RIMKLB: variants seen among roughly 807,000 people sequenced by gnomAD.
The protein encoded by RIMKLB is ribosomal modification protein rimK like family member B, also known as beta-citrylglutamate synthase B.
In RIMKLB, 7 loss-of-function variants were observed where a neutral mutation model predicts 32.0. The observed-to-expected ratio is 0.22, with a 90% CI of 0.12 to 0.41. The LOEUF is 0.41. Among genes scored for constraint, RIMKLB ranks in the 10% least tolerant of loss-of-function variants. The pLI is 1.00. For missense variants in RIMKLB, 289 were observed against 498.7 expected (o/e 0.58, Z 4.00); for synonymous variants, 172 against 185.1 (o/e 0.93, Z 0.57).
At position 8,773,146 on chromosome 12, in the gene RIMKLB, A is replaced by G. The variant is rs369222266; in HGVS notation, c.698-175A>G. Among the ~76,000 whole-genome samples, 111 of 152,138 alleles carry G rather than the reference A, an allele frequency of 7.3e-4. 3 individuals carry two copies. The South Asian group carries it at 0.022, about 30-fold the overall frequency. ...ATCATCAATTCCTGGGAGACTGGAT[A>G]GGGAGAGGATTCCTGATTAAGGAAA... On this transcript the variant is annotated intron_variant, in intron 5 of 5. Transcript: ENST00000535829.
intron 1 of RIMKLB, among the ~76,000 whole-genome samples, chr12:8,712,304 T>A (rs1361855776): frequency 6.6e-6 from 1 of 151,944 alleles, no homozygotes; most frequent in Admixed American, 6.6e-5. Flanking sequence ...ACATGCTACT[T>A]GGGAGGCTGA....
Position 8,775,090 on chromosome 12 carries a change from A to G in RIMKLB, c.*1306A>G, listed in dbSNP as rs981859600. 13 of 985,534 alleles carry G rather than the reference A, an allele frequency of 1.3e-5. No homozygotes were observed. Among genetic ancestry groups the G allele is most frequent in the African/African-American group, 3.5e-5 (2 of 57,176 alleles). The allele number at this position is 985,534 out of a possible 1,614,324, so 61.0% of individuals were successfully genotyped here. ...GATGCTTTTTTAGGCCTTTTTGTGT[A>G]TATGTACGTTGTTTGTTTTTTTCCT... On this transcript the variant is annotated 3_prime_UTR_variant, in exon 6 of 6. Coordinates refer to ENST00000535829, the MANE Select transcript of RIMKLB (RefSeq NM_001297776.2).
Position 8,744,023 on chromosome 12 carries a change from G to A in RIMKLB, c.176-5839G>A, listed in dbSNP as rs770958473. ...ATGTTTTTACAATGAGAGTGGAATC[G>A]TGGGTAAAGTTCTTTGAACAATTAT... On this transcript the variant is annotated intron_variant, in intron 2 of 5. Transcript: ENST00000535829. 2.0e-5 allele frequency among the ~76,000 whole-genome samples: 3 copies of A among 152,062 alleles called. 1 individual carries two copies. Among genetic ancestry groups the A allele is most frequent in the African/African-American group, 7.3e-5 (3 of 41,342 alleles).
intron 5 of RIMKLB, among the ~76,000 whole-genome samples, chr12:8,755,843 T>G (rs1948979547): frequency 1.3e-5 from 2 of 151,694 alleles, no homozygotes; most frequent in African/African-American, 4.8e-5. Context: ...AGACCCTGTC[T>G]CTACAAAATA....
At chr12:8,738,611 TACAC>T (rs781163536) in intron 2 of RIMKLB, among the ~76,000 whole-genome samples, 1 of 152,152 alleles carries the variant, frequency 6.6e-6, no homozygotes, top group Non-Finnish European at 1.5e-5. Context: ...TTTGTCTGAT[TACAC>T]ACACACAACA....
At position 8,762,532 on chromosome 12, in the gene RIMKLB, G is replaced by T. The variant is rs774291578; in HGVS notation, c.697+8439G>T. On this transcript the variant is annotated intron_variant, in intron 5 of 5. Transcript: ENST00000535829. ...GCAGTTTAAGACTGCCACCTCTTTA[G>T]GTTTCTGTACAGCCAAGAATAATCT... Among the ~76,000 whole-genome samples, 9 of 152,050 alleles carry T rather than the reference G, an allele frequency of 5.9e-5. No homozygotes were observed. In the South Asian group the frequency reaches 1.9e-3, roughly 32 times the overall value.
chr12:8,775,633 G>C lies in RIMKLB; in HGVS notation c.*1849G>C. 1.0e-6 allele frequency: 1 copy of C among 985,760 alleles called. No individual in the cohort carries two copies. Among genetic ancestry groups the C allele is most frequent in the Non-Finnish European group, 1.2e-6 (1 of 829,860 alleles). 61.1% of individuals were successfully genotyped at this position (985,760 alleles called of 1,614,324 possible). ...TATTAACCAGCTATAACAGAGGTTTGATCATGCTTACTTGTACAGTTTTTC... is the reference window on the plus strand; with the variant it reads ...TATTAACCAGCTATAACAGAGGTTTCATCATGCTTACTTGTACAGTTTTTC... On this transcript the variant is annotated 3_prime_UTR_variant, in exon 6 of 6. Coordinates refer to ENST00000535829, the MANE Select transcript of RIMKLB (RefSeq NM_001297776.2).
At chr12:8,728,437 A>G (rs1946233583) in intron 2 of RIMKLB, among the ~76,000 whole-genome samples, 1 of 152,196 alleles carries the variant, frequency 6.6e-6, no homozygotes, top group African/African-American at 2.4e-5. Context: ...CTACTGGACT[A>G]CAAACATAAC....
intron 2 of RIMKLB, among the ~76,000 whole-genome samples, chr12:8,740,180 A>G (rs1002033385): frequency 1.3e-5 from 2 of 152,240 alleles, no homozygotes; most frequent in East Asian, 1.9e-4. Flanking sequence ...TGCTGGGATT[A>G]TAAGTGTAAG....
rs1380348425 is a variant in RIMKLB at position 8,720,782 on chromosome 12, C to T, written c.175+6741C>T. The stretch of plus-strand genomic sequence containing the variant: ...CTGGAACTCCTGACCTTGAATGATC[C>T]GCCCCCCTCGGCTTCCCAAAGTGCT... On this transcript the variant is annotated intron_variant, in intron 2 of 5. Coordinates refer to ENST00000535829, the MANE Select transcript of RIMKLB (RefSeq NM_001297776.2). Among the ~76,000 whole-genome samples the T allele has an allele frequency of 3.3e-5, 5 of 152,202 alleles. No homozygotes were observed. The East Asian group carries it at 5.8e-4, about 18-fold the overall frequency.
At chr12:8,698,715 C>CCCCCCCCCCCTCA (rs11275581) in intron 1 of RIMKLB, among the ~76,000 whole-genome samples, 1 of 151,412 alleles carries the variant, frequency 6.6e-6, no homozygotes, top group African/African-American at 2.4e-5. Flanking sequence ...CCTCCCCCCC[C>CCCCCCCCCCCTCA]TTCCCACAAA....
At chr12:8,756,810 G>A (rs1168494592) in intron 5 of RIMKLB, among the ~76,000 whole-genome samples, 1 of 146,634 alleles carries the variant, frequency 6.8e-6, no homozygotes, top group African/African-American at 2.5e-5. Context: ...TCGTGCCTCA[G>A]CCTCCTGAGT....
intron 1 of RIMKLB, among the ~76,000 whole-genome samples, chr12:8,710,245 CA>C (rs2136897360): frequency 6.6e-6 from 1 of 150,916 alleles, no homozygotes; most frequent in Non-Finnish European, 1.5e-5. Context: ...CTGCCCACCT[CA>C]GCCTCCCAAA....
At chr12:8,689,237 C>A (rs1173835433) in intron 1 of RIMKLB, among the ~76,000 whole-genome samples, 3 of 152,192 alleles carry the variant, frequency 2.0e-5, no homozygotes, top group Admixed American at 2.0e-4. Context: ...ACAGGGGCTA[C>A]TTATACCTGG....
chr12:8,756,526 C>T (rs898774339), intron 5 of RIMKLB, among the ~76,000 whole-genome samples: 1 of 151,772 alleles, frequency 6.6e-6, no homozygotes, highest in Non-Finnish European at 1.5e-5. Flanking sequence ...CAAAACTAAA[C>T]AATGCAGTGT....
intron 1 of RIMKLB, among the ~76,000 whole-genome samples, chr12:8,706,099 T>C (rs898799437): frequency 6.6e-6 from 1 of 152,166 alleles, no homozygotes; most frequent in Non-Finnish European, 1.5e-5. Flanking sequence ...ATGGGGAATA[T>C]AGGTGCTGAA....
intron 2 of RIMKLB, among the ~76,000 whole-genome samples, chr12:8,740,479 T>A (rs1947401731): frequency 6.6e-6 from 1 of 152,172 alleles, no homozygotes; most frequent in African/African-American, 2.4e-5. Context: ...TGTAGTCTTT[T>A]ATCCCTCACC....
intron 5 of RIMKLB, among the ~76,000 whole-genome samples, chr12:8,761,104 C>G (rs1339546254): frequency 1.3e-5 from 2 of 151,850 alleles, no homozygotes; most frequent in African/African-American, 4.8e-5. Context: ...AATCCCAGCA[C>G]TTTGGGAGGC....
At chr12:8,779,601 T>A (rs1255115288), downstream of RIMKLB, 2 of 152,194 alleles carry the variant, frequency 1.3e-5, no homozygotes, top group Admixed American at 6.5e-5. Flanking sequence ...TTTGTTTTAT[T>A]TCCTGATTTT....
Sources: allele counts gnomAD v4.1 joint callset (sites outside exome capture counted in the v4.1 genomes callset), GRCh38; gene constraint gnomAD v4.1.1; transcripts MANE v1.5; gene names NCBI Gene and HGNC (gene_info 2026-07-23, HGNC 2026-07-21).